ANKFN1: variants seen among roughly 807,000 people sequenced by gnomAD.
ANKFN1 encodes ankyrin repeat and fibronectin type-III domain-containing protein 1.
In ANKFN1, 74 loss-of-function variants were observed where a neutral mutation model predicts 108.7. The observed-to-expected ratio is 0.68, with a 90% CI of 0.56 to 0.83. ANKFN1 has a LOEUF of 0.83. ANKFN1 is among the 40% of genes least tolerant of loss of function. The pLI is 0.00. For missense variants in ANKFN1, 1,505 were observed against 1,382.3 expected (o/e 1.09, Z -1.41); for synonymous variants, 547 against 516.2 (o/e 1.06, Z -0.81).
At chr17:56,497,668 A>C (rs2051243835) in intron 19 of ANKFN1, among the ~76,000 whole-genome samples, 1 of 152,132 alleles carries the variant, frequency 6.6e-6, no homozygotes, top group Non-Finnish European at 1.5e-5. Context: ...ACCTTGCATG[A>C]CTCACATAAT....
chr17:56,061,963 G>C (rs1904982719), intron 4 of ANKFN1, among the ~76,000 whole-genome samples: 1 of 152,160 alleles, frequency 6.6e-6, no homozygotes, highest in Non-Finnish European at 1.5e-5. Context: ...AGAGCTTCTT[G>C]ATTTCTGCCT....
chr17:56,372,275 C>A (rs975420435), intron 6 of ANKFN1, among the ~76,000 whole-genome samples: 1 of 152,154 alleles, frequency 6.6e-6, no homozygotes, highest in Non-Finnish European at 1.5e-5. Context: ...CGGAGTTTTG[C>A]CCCTACATGT....
intron 3 of ANKFN1, among the ~76,000 whole-genome samples, chr17:56,293,576 T>C (rs2044425583): frequency 6.6e-6 from 1 of 152,134 alleles, no homozygotes; most frequent in Admixed American, 6.5e-5. Flanking sequence ...CCTTTAAGTG[T>C]TGGTGACTGT....
chr17:56,280,690 C>A (rs1057401246), intron 3 of ANKFN1, among the ~76,000 whole-genome samples: 1 of 151,198 alleles, frequency 6.6e-6, no homozygotes, highest in African/African-American at 2.5e-5. Flanking sequence ...CTGGCTAATA[C>A]AAAATCACGG....
At position 56,289,624 on chromosome 17, in the gene ANKFN1, C is replaced by T. The variant is rs374696748; in HGVS notation, c.54-36597C>T. ...GCATCCAAAAGCAGGGAGACAGCTC[C>T]GTTTCTCCTGGCGCCTGGAGCCCAT... is the stretch of plus-strand genomic sequence containing the variant. On this transcript the variant is annotated intron_variant, in intron 3 of 20. Coordinates refer to ENST00000682825, the MANE Select transcript of ANKFN1 (RefSeq NM_001370326.1). Among the ~76,000 whole-genome samples, 44 of 152,302 alleles carry T rather than the reference C, an allele frequency of 2.9e-4. 1 individual carries two copies. In the South Asian group the frequency reaches 6.0e-3, roughly 21 times the overall value.
intron 8 of ANKFN1, among the ~76,000 whole-genome samples, chr17:56,379,980 C>T (rs920742259): frequency 1.1e-4 from 17 of 152,182 alleles, no homozygotes; most frequent in South Asian, 4.1e-4. Flanking sequence ...TTGTTATTCA[C>T]GCGCATTGTC....
At chr17:56,313,413 C>T (rs1370198266) in intron 3 of ANKFN1, among the ~76,000 whole-genome samples, 2 of 152,118 alleles carry the variant, frequency 1.3e-5, no homozygotes, top group Non-Finnish European at 2.9e-5. Context: ...GTGCTGAAAC[C>T]CAGCCAGGCT....
chr17:56,383,838 A>G (rs182568728), intron 8 of ANKFN1, among the ~76,000 whole-genome samples: 55 of 152,350 alleles, frequency 3.6e-4, no homozygotes, highest in African/African-American at 1.3e-3. Flanking sequence ...GCAATAATCA[A>G]TAACTTACCA....
At chr17:56,066,415 T>G (rs895639199) in intron 4 of ANKFN1, among the ~76,000 whole-genome samples, 6 of 152,224 alleles carry the variant, frequency 3.9e-5, no homozygotes, top group Non-Finnish European at 7.3e-5. Flanking sequence ...AGATGTGCTA[T>G]AAATGTGCAT....
intron 8 of ANKFN1, among the ~76,000 whole-genome samples, chr17:56,401,952 A>G (rs2047778483): frequency 6.6e-6 from 1 of 152,088 alleles, no homozygotes; most frequent in Admixed American, 6.5e-5. Flanking sequence ...TAAGATTATC[A>G]TGTGATTTTT....
chr17:56,276,067 C>G (rs760545678), intron 3 of ANKFN1, among the ~76,000 whole-genome samples: 2 of 151,934 alleles, frequency 1.3e-5, no homozygotes, highest in African/African-American at 2.4e-5. Context: ...CACCCTGTGT[C>G]CATGTGTTTT....
chr17:56,351,475 T>C (rs981861074), intron 5 of ANKFN1, among the ~76,000 whole-genome samples: 6 of 150,108 alleles, frequency 4.0e-5, no homozygotes, highest in Non-Finnish European at 1.5e-5. Flanking sequence ...GAAAAGAAAA[T>C]ATTGGGTATA....
In ANKFN1 at chr17:56,514,745, TC is replaced by T. The variant is rs1658896681; in HGVS notation, c.*3478del. 6.6e-6 allele frequency among the ~76,000 whole-genome samples: 1 copy of T among 152,170 alleles called. No homozygotes were observed. The highest frequency in any genetic ancestry group is 2.4e-5 in the African/African-American group (1 of 41,434). On this transcript the variant is annotated 3_prime_UTR_variant, in exon 21 of 21. Transcript: ENST00000682825. The stretch of plus-strand genomic sequence containing the variant: ...GTAATAATATTTCGCCAGTCCTCTT[TC>T]CTGAAGGATCCCAAAGCACTTTATG...
At position 56,286,384 on chromosome 17, in the gene ANKFN1, C is replaced by T. The variant is rs375132934; in HGVS notation, c.54-39837C>T. Among the ~76,000 whole-genome samples the T allele has an allele frequency of 3.3e-5, 5 of 152,300 alleles. No individual in the cohort carries two copies. In the East Asian group the frequency reaches 7.7e-4, roughly 23 times the overall value. ...CTGTGATTCAGGAATTCAGCTCAGA[C>T]GTGCTGGGGATAGCTTGTCTCTGTT... is the stretch of plus-strand genomic sequence containing the variant. On this transcript the variant is annotated intron_variant, in intron 3 of 20. Coordinates refer to ENST00000682825, the MANE Select transcript of ANKFN1 (RefSeq NM_001370326.1).
At chr17:56,178,222 C>G (rs1038989652) in intron 1 of ANKFN1, among the ~76,000 whole-genome samples, 1 of 152,146 alleles carries the variant, frequency 6.6e-6, no homozygotes, top group Non-Finnish European at 1.5e-5. Context: ...ATGATCTGAT[C>G]CATCAGTCTG....
intron 3 of ANKFN1, among the ~76,000 whole-genome samples, chr17:56,303,663 G>A (rs1041275659): frequency 3.3e-5 from 5 of 151,992 alleles, no homozygotes; most frequent in East Asian, 1.9e-4. Context: ...AATAATAGAC[G>A]GAGATTCCAT....
rs750154111 is a variant in ANKFN1, at chr17:56,457,307, C to T, written c.1358C>T (p.Thr453Ile). 6.2e-7 allele frequency: 1 copy of T among 1,602,434 alleles called. No individual in the cohort carries two copies. Among genetic ancestry groups the T allele is most frequent in the Non-Finnish European group, 8.5e-7 (1 of 1,172,424 alleles). ...TATTACAAAGACAATATCTTAGTCACCAATGAAGATCAAGTACCAATTGTT... is the reference window on the plus strand; with the variant it reads ...TATTACAAAGACAATATCTTAGTCATCAATGAAGATCAAGTACCAATTGTT... ...IFYYKDNILV[T>I]NEDQVPIVEI... Residue 453 changes from threonine to isoleucine, a missense_variant, in exon 13 of 21, where the codon ACC becomes ATC. Thr to Ile is a moderately conservative substitution (Grantham distance 89). Coordinates refer to ENST00000682825, the MANE Select transcript of ANKFN1 (RefSeq NM_001370326.1).
intron 3 of ANKFN1, among the ~76,000 whole-genome samples, chr17:56,249,069 G>A (rs1219587195): frequency 6.6e-6 from 1 of 152,102 alleles, no homozygotes; most frequent in Non-Finnish European, 1.5e-5. Flanking sequence ...GAACAGCTCG[G>A]GGTATCATTC....
chr17:56,455,194 T>G (rs1018800568), intron 11 of ANKFN1, among the ~76,000 whole-genome samples: 1 of 152,166 alleles, frequency 6.6e-6, no homozygotes, highest in Non-Finnish European at 1.5e-5. Context: ...CTTACTTTTG[T>G]CTCCTTTCCC....
Sources: gnomAD v4.1 joint callset for allele counts (sites outside exome capture counted in the v4.1 genomes callset) on GRCh38, gnomAD v4.1.1 for gene constraint, MANE v1.5 for transcripts, NCBI Gene and HGNC (gene_info 2026-07-23, HGNC 2026-07-21) for gene names.